CYP20A1: variants seen among roughly 807,000 people sequenced by gnomAD.
CYP20A1 encodes the protein cytochrome P450 family 20 subfamily A member 1.
CYP20A1 carries 61 observed loss-of-function variants against 61.4 expected under a neutral mutation model. The observed-to-expected ratio is 0.99, with a 90% CI of 0.81 to 1.23. The LOEUF (loss-of-function observed/expected upper bound fraction) is 1.23. Ranked by LOEUF, CYP20A1 falls within the 50% of genes most tolerant of loss-of-function variation. The pLI, the probability that CYP20A1 is intolerant of heterozygous loss-of-function variation, is 0.00. For synonymous variants in CYP20A1, 193 were observed against 188.2 expected, an observed-to-expected ratio of 1.03 and a Z score of -0.21; for missense variants, 530 against 542.4, an observed-to-expected ratio of 0.98 and a Z score of 0.23.
rs772167147 is a variant in CYP20A1, at chr2:203,239,169, G to A, written c.72+35G>A. ...GTCTTGGCTCTCTGGGGCCCCGGGC[G>A]CCGCCCCAGTCTCTCTGTCGCCGGC... On this transcript the variant is annotated intron_variant, in intron 1 of 12. Transcript: ENST00000356079. 6 of 1,572,460 alleles carry A rather than the reference G, an allele frequency of 3.8e-6. No homozygotes were observed. The Admixed American group carries it at 5.0e-5, about 13-fold the overall frequency.
chr2:203,284,030 A>G (rs2068160282), intron 8 of CYP20A1, among the ~76,000 whole-genome samples: 1 of 152,222 alleles, frequency 6.6e-6, no homozygotes, highest in East Asian at 1.9e-4. Flanking sequence ...CAGTTCACTC[A>G]GAAGCCATAA....
At chr2:203,244,037 C>T (rs1330393598) in intron 1 of CYP20A1, among the ~76,000 whole-genome samples, 3 of 152,026 alleles carry the variant, frequency 2.0e-5, no homozygotes, top group Non-Finnish European at 4.4e-5. Context: ...TTCCAGACCA[C>T]CCTGCCTATC....
intron 8 of CYP20A1, among the ~76,000 whole-genome samples, chr2:203,283,175 TA>T (rs1193929602): frequency 1.5e-5 from 2 of 135,406 alleles, no homozygotes; most frequent in Admixed American, 1.5e-4. Flanking sequence ...TGACCCTATC[TA>T]AAAAAAAACC....
intron 3 of CYP20A1, among the ~76,000 whole-genome samples, chr2:203,250,824 G>A (rs1032135303): frequency 6.6e-6 from 1 of 152,022 alleles, no homozygotes; most frequent in Non-Finnish European, 1.5e-5. Context: ...CAGCGCTTTG[G>A]GAGGCCGAGG....
chr2:203,247,776 G>C (rs2066512450), intron 3 of CYP20A1, among the ~76,000 whole-genome samples: 1 of 152,126 alleles, frequency 6.6e-6, no homozygotes, highest in East Asian at 1.9e-4. Context: ...AGAATTGCTT[G>C]AACCTGGGAG....
chr2:203,304,332 C>T lies in CYP20A1; in HGVS notation c.*7424C>T, dbSNP rs1043864672. 2.0e-5 allele frequency among the ~76,000 whole-genome samples: 3 copies of T among 152,032 alleles called. No homozygotes were observed. The highest frequency in any genetic ancestry group is 2.9e-5 in the Non-Finnish European group (2 of 67,996). On this transcript the variant is annotated 3_prime_UTR_variant, in exon 13 of 13. Transcript: ENST00000356079. The stretch of plus-strand genomic sequence containing the variant: ...CCTGCCTCAGCCTCCCGAGTAGCTG[C>T]GACTACAGGCGAGTGCCTCCATGCC...
chr2:203,240,435 TGAAA>T (rs2066216717), intron 1 of CYP20A1, among the ~76,000 whole-genome samples: 1 of 152,206 alleles, frequency 6.6e-6, no homozygotes, highest in South Asian at 2.1e-4. Flanking sequence ...AATCCAGCCG[TGAAA>T]CAAACCGGAC....
intron 4 of CYP20A1, among the ~76,000 whole-genome samples, chr2:203,255,953 C>T (rs572126412): frequency 6.6e-6 from 1 of 152,098 alleles, no homozygotes; most frequent in African/African-American, 2.4e-5. Context: ...TGGATAGGTC[C>T]CCTTTTATTT....
rs2068909566 is a variant in CYP20A1 at position 203,298,738 on chromosome 2, A to G, written c.*1830A>G. Among the ~76,000 whole-genome samples, 1 of 151,460 alleles carries G rather than the reference A, an allele frequency of 6.6e-6. No individual in the cohort carries two copies. Among genetic ancestry groups the G allele is most frequent in the East Asian group, 1.9e-4 (1 of 5,166 alleles). ...AAAGGAGGTGGGGAGAGCTATTTCA[A>G]GAATATTTTAAGTAGGCTGGGCACG... On this transcript the variant is annotated 3_prime_UTR_variant, in exon 13 of 13. Transcript: ENST00000356079.
chr2:203,255,779 A>C (rs2066872164), intron 4 of CYP20A1, among the ~76,000 whole-genome samples: 1 of 152,148 alleles, frequency 6.6e-6, no homozygotes, highest in South Asian at 2.1e-4. Context: ...TTAAGTCTTC[A>C]GATGTACCCT....
intron 6 of CYP20A1, among the ~76,000 whole-genome samples, chr2:203,276,170 G>T (rs1024153073): frequency 1.3e-5 from 2 of 152,178 alleles, no homozygotes; most frequent in Admixed American, 6.5e-5. Flanking sequence ...GTAGGACTCT[G>T]CTGCTGTATT....
chr2:203,239,310 G>A (rs972379835), intron 1 of CYP20A1, among the ~76,000 whole-genome samples, 176 bp downstream of exon 1: 2 of 152,086 alleles, frequency 1.3e-5, no homozygotes, highest in African/African-American at 4.8e-5. Flanking sequence ...CGCCCCTCCC[G>A]GCAAGCTCTG....
At chr2:203,252,702 G>A (rs969738814) in intron 4 of CYP20A1, among the ~76,000 whole-genome samples, 8 of 152,032 alleles carry the variant, frequency 5.3e-5, no homozygotes, top group African/African-American at 1.9e-4. Context: ...GCTTTGGAGA[G>A]TTCCTTATTC....
chr2:203,239,185 T>C, intron 1 of CYP20A1, 51 bp downstream of exon 1: 1 of 1,503,010 alleles, frequency 6.7e-7, no homozygotes, highest in South Asian at 1.1e-5. Context: ...CCAGTCTCTC[T>C]GTCGCCGGCA....
intron 1 of CYP20A1, among the ~76,000 whole-genome samples, chr2:203,243,425 CTG>C (rs1414751497): frequency 6.6e-6 from 1 of 151,912 alleles, no homozygotes; most frequent in Non-Finnish European, 1.5e-5. Flanking sequence ...GAGTCTCGCT[CTG>C]TCTCCCAGGC....
chr2:203,282,036 T>C (rs1433606770), intron 8 of CYP20A1, among the ~76,000 whole-genome samples: 4 of 41,316 alleles, frequency 9.7e-5, no homozygotes, highest in African/African-American at 2.3e-4. Flanking sequence ...GTATTCAACC[T>C]TTTTTTTTTT....
intron 9 of CYP20A1, among the ~76,000 whole-genome samples, chr2:203,287,994 C>G (rs1277497131): frequency 1.2e-5 from 1 of 80,390 alleles, no homozygotes; most frequent in Admixed American, 1.3e-4. Context: ...TTGAGTTTTT[C>G]TTTTCTTTTT....
At chr2:203,258,252 G>A (rs1353851577) in intron 4 of CYP20A1, among the ~76,000 whole-genome samples, 1 of 152,160 alleles carries the variant, frequency 6.6e-6, no homozygotes, top group African/African-American at 2.4e-5. Flanking sequence ...TGGGCATAGT[G>A]GCACATGCCT....
At chr2:203,276,681 A>G (rs1157648954) in intron 6 of CYP20A1, among the ~76,000 whole-genome samples, 2 of 152,192 alleles carry the variant, frequency 1.3e-5, no homozygotes, top group Non-Finnish European at 2.9e-5. Flanking sequence ...CTATGGGAAG[A>G]TCCAGGATTT....
Sources: allele counts gnomAD v4.1 joint callset (sites outside exome capture counted in the v4.1 genomes callset), GRCh38; gene constraint gnomAD v4.1.1; transcripts MANE v1.5; gene names NCBI Gene and HGNC (gene_info 2026-07-23, HGNC 2026-07-21).